EDNRA: variants seen among roughly 807,000 people sequenced by gnomAD.
EDNRA encodes the protein endothelin-1 receptor.
EDNRA carries 11 observed loss-of-function variants against 41.4 expected under a neutral mutation model. The ratio of observed to expected loss-of-function variants is 0.27; its 90% confidence interval spans 0.17 to 0.44. EDNRA has a LOEUF of 0.44. Among genes scored for constraint, EDNRA ranks in the 20% least tolerant of loss-of-function variants. EDNRA has a pLI of 1.00. For missense variants in EDNRA, 294 were observed against 531.0 expected, an observed-to-expected ratio of 0.55 and a Z score of 4.39; for synonymous variants, 172 against 183.0, an observed-to-expected ratio of 0.94 and a Z score of 0.49.
At chr4:147,518,915 T>A (rs1213751455) in intron 2 of EDNRA, among the ~76,000 whole-genome samples, 1 of 152,200 alleles carries the variant, frequency 6.6e-6, no homozygotes, top group Admixed American at 6.5e-5. Flanking sequence ...CCCTTTTAGG[T>A]AGCTGAGCTA....
intron 5 of EDNRA, among the ~76,000 whole-genome samples, chr4:147,539,410 AAG>A (rs1267065310): frequency 6.6e-6 from 1 of 151,714 alleles, no homozygotes; most frequent in Non-Finnish European, 1.5e-5. Flanking sequence ...ACCTGTTATT[AAG>A]AGTCATTAGC....
At chr4:147,539,360 G>GTC (rs1431384541) in intron 5 of EDNRA, among the ~76,000 whole-genome samples, 2 of 151,810 alleles carry the variant, frequency 1.3e-5, no homozygotes, top group African/African-American at 4.8e-5. Flanking sequence ...GTGATGTTCA[G>GTC]TCTCCTTGCC....
At position 147,485,766 on chromosome 4, in the gene EDNRA, A is replaced by C; in HGVS notation, c.85A>C (p.Asn29His). 6.2e-7 allele frequency: 1 copy of C among 1,614,236 alleles called. No homozygotes were observed. Among genetic ancestry groups the C allele is most frequent in the Non-Finnish European group, 8.5e-7 (1 of 1,180,042 alleles). ...TGATAATCCTGAGAGATACAGCACA[A>C]ATCTAAGCAATCATGTGGATGATTT... ...ISDNPERYSTNLSNHVDDFTT... is the reference protein window; with the variant it reads ...ISDNPERYSTHLSNHVDDFTT... The change falls in exon 2 of 8, where the codon AAT becomes CAT. Residue 29 changes from asparagine (N) to histidine (H), a missense_variant. Transcript: ENST00000651419.
intron 2 of EDNRA, among the ~76,000 whole-genome samples, chr4:147,505,651 T>C (rs556282608): frequency 6.8e-6 from 1 of 146,978 alleles, no homozygotes; most frequent in Non-Finnish European, 1.5e-5. Flanking sequence ...CGGCAGTTTT[T>C]TTTTTTTTTT....
chr4:147,542,408 C>T, intron 7 of EDNRA, 70 bp from the exon 8 acceptor site: 1 of 1,602,116 alleles, frequency 6.2e-7, no homozygotes, highest in Non-Finnish European at 8.5e-7. Context: ...TAGCATGGCC[C>T]AGGGCCGCTG....
intron 2 of EDNRA, among the ~76,000 whole-genome samples, chr4:147,501,856 A>G (rs1729527423): frequency 6.6e-6 from 1 of 152,214 alleles, no homozygotes; most frequent in Non-Finnish European, 1.5e-5. Context: ...GTACACCTAT[A>G]TGACAAATTC....
intron 4 of EDNRA, among the ~76,000 whole-genome samples, chr4:147,532,930 T>C (rs545957493): frequency 6.6e-6 from 1 of 152,248 alleles, no homozygotes; most frequent in South Asian, 2.1e-4. Flanking sequence ...GACATATCTG[T>C]TATTCTGCAC....
chr4:147,532,787 G>A (rs557409420), intron 4 of EDNRA, 83 bp downstream of exon 4: 58 of 1,387,870 alleles, frequency 4.2e-5, no homozygotes, highest in African/African-American at 8.5e-5. Flanking sequence ...TGATGACATC[G>A]CCACAATGTC....
intron 3 of EDNRA, among the ~76,000 whole-genome samples, chr4:147,521,492 G>A (rs1332557589): frequency 1.3e-5 from 2 of 152,010 alleles, no homozygotes; most frequent in Non-Finnish European, 2.9e-5. Flanking sequence ...TTGAGATCAT[G>A]GTACCTTAGA....
intron 3 of EDNRA, among the ~76,000 whole-genome samples, chr4:147,522,402 C>T (rs1405876260): frequency 6.6e-6 from 1 of 151,932 alleles, no homozygotes; most frequent in African/African-American, 2.4e-5. Context: ...GCCAGGCATG[C>T]TGGTAGGCAT....
chr4:147,502,145 G>A (rs1029025278), intron 2 of EDNRA, among the ~76,000 whole-genome samples: 39 of 152,096 alleles, frequency 2.6e-4, no homozygotes, highest in African/African-American at 8.9e-4. Flanking sequence ...TTTTGGAAAC[G>A]TATTGGGTCA....
chr4:147,510,400 C>T (rs1044007857), intron 2 of EDNRA, among the ~76,000 whole-genome samples: 1 of 152,192 alleles, frequency 6.6e-6, no homozygotes, highest in Admixed American at 6.5e-5. Context: ...AGAAGTAAAA[C>T]TAGGTTAAAA....
intron 1 of EDNRA, among the ~76,000 whole-genome samples, chr4:147,481,646 G>A (rs1728762619): frequency 6.6e-6 from 1 of 152,240 alleles, no homozygotes; most frequent in Non-Finnish European, 1.5e-5. Context: ...TTAGGATTCG[G>A]AGTTTTAGGA....
chr4:147,506,581 T>A, intron 2 of EDNRA: 1 of 283,710 alleles, frequency 3.5e-6, no homozygotes, highest in Middle Eastern at 1.2e-3. Context: ...TCAGACATGC[T>A]ATTTTCAGCC....
intron 2 of EDNRA, chr4:147,489,544 A>G (rs1679190220): frequency 6.6e-6 from 1 of 152,176 alleles, no homozygotes; most frequent in Admixed American, 6.5e-5. Context: ...GATTGTACTG[A>G]AACGGTTTCA....
rs1731230526 is a variant in EDNRA, at chr4:147,544,708, G to A, written c.*2090G>A. 6.6e-6 allele frequency: 1 copy of A among 152,492 alleles called. No individual in the cohort carries two copies. The highest frequency in any genetic ancestry group is 6.5e-5 in the Admixed American group (1 of 15,290). 9.4% of individuals were successfully genotyped at this position (152,492 alleles called of 1,614,324 possible). ...GTTTAGACAATTGTCTTTTTTTCAA[G>A]ATGCTTTGTTTCTTTCATATGAAAA... On this transcript the variant is annotated 3_prime_UTR_variant, in exon 8 of 8. Transcript: ENST00000651419.
chr4:147,481,410 C>G (rs188349279), intron 1 of EDNRA, 34 bp downstream of exon 1: 2 of 152,758 alleles, frequency 1.3e-5, no homozygotes, highest in African/African-American at 4.8e-5. Flanking sequence ...GGGACTGGGA[C>G]TGGGGCGGGT....
Position 147,532,582 on chromosome 4 carries a change from A to G in EDNRA, c.625A>G (p.Ile209Val), listed in dbSNP as rs771740107. 5.6e-6 allele frequency: 9 copies of G among 1,613,948 alleles called. No homozygotes were observed. The highest frequency in any genetic ancestry group is 2.2e-5 in the East Asian group (1 of 44,894). The change falls in exon 4 of 8, where the codon ATC becomes GTC. Residue 209 changes from isoleucine to valine, a missense_variant. Physicochemically the swap from Ile to Val is conservative, Grantham distance 29. This residue lies in a region of EDNRA where 185 missense variants were observed against 390.8 expected (regional missense o/e 0.47). Transcript: ENST00000651419. ...GGTAACTGCCATTGAAATTGTCTCC[A>G]TCTGGATCCTGTCCTTTATCCTGGC... ...PLVTAIEIVSIWILSFILAIP... is the reference protein window; with the variant it reads ...PLVTAIEIVSVWILSFILAIP...
chr4:147,531,205 T>G (rs1263159760), intron 3 of EDNRA, among the ~76,000 whole-genome samples: 3 of 152,258 alleles, frequency 2.0e-5, no homozygotes, highest in Admixed American at 6.5e-5. Flanking sequence ...TCAGTCACAT[T>G]TATGTTATAT....
Sources: gnomAD v4.1 joint callset for allele counts (sites outside exome capture counted in the v4.1 genomes callset) on GRCh38, gnomAD v4.1.1 for gene constraint, gnomAD v4.1.1 regional missense constraint, MANE v1.5 for transcripts, NCBI Gene and HGNC (gene_info 2026-07-23, HGNC 2026-07-21) for gene names.